Variants in RHBDD1 observed in about 807,000 individuals in gnomAD.
The protein encoded by RHBDD1 is rhomboid-related protein 4.
In RHBDD1, 38 loss-of-function variants were observed where a neutral mutation model predicts 36.3. The observed-to-expected ratio is 1.05, with a 90% CI of 0.81 to 1.37. The LOEUF is 1.37. RHBDD1 is among the 40% of genes most tolerant of loss of function. RHBDD1 has a pLI of 0.00. For synonymous variants in RHBDD1, 151 were observed against 136.5 expected, an observed-to-expected ratio of 1.11 and a Z score of -0.74; for missense variants, 393 against 377.6, an observed-to-expected ratio of 1.04 and a Z score of -0.34.
chr2:226,808,651 G>A, the RHBDD1 span: 6 of 152,246 alleles, frequency 3.9e-5, no homozygotes, highest in Admixed American at 3.9e-4. Context: ...AGTGTCTGAA[G>A]AGAGACCATC....
intron 3 of RHBDD1, among the ~76,000 whole-genome samples, chr2:226,861,119 ATCT>A (rs1943812951): frequency 1.3e-5 from 2 of 152,230 alleles, no homozygotes; most frequent in South Asian, 2.1e-4. Flanking sequence ...GGCAAACTAT[ATCT>A]TCTTCTAAGA....
intron 8 of RHBDD1, among the ~76,000 whole-genome samples, chr2:226,916,229 C>A (rs7560867): frequency 0.58 from 88,396 of 152,006 alleles, 26,423 homozygotes; most frequent in African/African-American, 0.73. Flanking sequence ...TTGGAGGAAC[C>A]GCAAAGTCAC....
rs56325989 is a variant in RHBDD1 at position 226,948,564 on chromosome 2, TAA to T, written c.856+34233_856+34234del. On this transcript the variant is annotated intron_variant, in intron 8 of 8. Coordinates refer to ENST00000392062, the MANE Select transcript of RHBDD1 (RefSeq NM_001167608.3). ...CACATGTACCCTAAAACTTAAAGTA[TAA>T]AAAAAAAAAAAAAAAAAAACGAAAA... Among the ~76,000 whole-genome samples, 228 of 23,476 alleles carry T rather than the reference TAA, an allele frequency of 9.7e-3. 1 individual carries two copies. In the South Asian group the frequency reaches 0.1, roughly 11 times the overall value. The allele number at this position is 23,476 out of a possible 152,430, so 15.4% of individuals were successfully genotyped here. A position where few individuals can be genotyped will look rare whatever the true frequency, so the allele number is the denominator to read the frequency against.
chr2:226,933,708 TA>T (rs200305913), intron 8 of RHBDD1, among the ~76,000 whole-genome samples: 2 of 151,876 alleles, frequency 1.3e-5, no homozygotes, highest in African/African-American at 2.4e-5. Context: ...GCTGCCCAAT[TA>T]AAAAAAACAA....
upstream of RHBDD1, chr2:226,835,761 C>T (rs1020942290): frequency 1.3e-5 from 2 of 152,254 alleles, no homozygotes; most frequent in Non-Finnish European, 2.9e-5. Context: ...CGGCCAGTGG[C>T]TATTTATGGC....
At chr2:226,942,579 G>A (rs1218295031) in intron 8 of RHBDD1, 2 of 362,090 alleles carry the variant, frequency 5.5e-6, no homozygotes, top group East Asian at 1.2e-4. Context: ...AAACTCAGAG[G>A]TATGTGTGGC....
At chr2:226,895,565 C>A in intron 5 of RHBDD1, 1 of 516,252 alleles carries the variant, frequency 1.9e-6, no homozygotes, top group Non-Finnish European at 2.5e-6. Flanking sequence ...AACCTCTGTG[C>A]CCAATTAAGG....
chr2:226,948,564 T>TAAAAAAAAA (rs56325989), intron 8 of RHBDD1, among the ~76,000 whole-genome samples: 5 of 23,498 alleles, frequency 2.1e-4, no homozygotes, highest in African/African-American at 3.7e-4. Context: ...ACTTAAAGTA[T>TAAAAAAAAA]AAAAAAAAAA....
chr2:226,841,765 A>G (rs1488575955), intron 3 of RHBDD1, among the ~76,000 whole-genome samples: 1 of 152,158 alleles, frequency 6.6e-6, no homozygotes, highest in Non-Finnish European at 1.5e-5. Flanking sequence ...ATATGCATGC[A>G]TGTATCTTTA....
chr2:226,881,518 A>G (rs1463392399), intron 5 of RHBDD1, among the ~76,000 whole-genome samples: 1 of 152,186 alleles, frequency 6.6e-6, no homozygotes, highest in Non-Finnish European at 1.5e-5. Flanking sequence ...CTACCTCATC[A>G]TTCAGATTAT....
chr2:226,893,497 CT>C (rs1436505803), intron 5 of RHBDD1, among the ~76,000 whole-genome samples: 1 of 152,118 alleles, frequency 6.6e-6, no homozygotes, highest in African/African-American at 2.4e-5. Flanking sequence ...GTGGTGGGAA[CT>C]TTTATTGCGT....
At chr2:226,984,077 C>A (rs1173521718) in intron 8 of RHBDD1, among the ~76,000 whole-genome samples, 7 of 152,186 alleles carry the variant, frequency 4.6e-5, no homozygotes, top group Admixed American at 4.6e-4. Flanking sequence ...CCACTTAGGA[C>A]AGAGTCCCAA....
intron 8 of RHBDD1, among the ~76,000 whole-genome samples, chr2:226,921,392 G>A (rs1411218221): frequency 6.6e-6 from 1 of 151,390 alleles, no homozygotes; most frequent in Admixed American, 6.6e-5. Flanking sequence ...CGTTTTGTTA[G>A]CTCTTGCTTT....
intron 8 of RHBDD1, among the ~76,000 whole-genome samples, chr2:226,923,237 TG>T (rs34921508): frequency 6.6e-6 from 1 of 152,216 alleles, no homozygotes; most frequent in Non-Finnish European, 1.5e-5. Context: ...CAGCTTTTCT[TG>T]GGAAATTTTT....
intron 8 of RHBDD1, among the ~76,000 whole-genome samples, chr2:226,933,166 G>A (rs754810858): frequency 2.6e-4 from 39 of 152,054 alleles, no homozygotes; most frequent in Non-Finnish European, 3.5e-4. Flanking sequence ...AATTACCACC[G>A]TGTGGGGATT....
At chr2:226,968,335 G>C (rs1371180675) in intron 8 of RHBDD1, among the ~76,000 whole-genome samples, 1 of 152,198 alleles carries the variant, frequency 6.6e-6, no homozygotes, top group African/African-American at 2.4e-5. Flanking sequence ...TCCAAAATCT[G>C]TAGGGCAGGC....
At chr2:226,846,423 T>G (rs1038516127) in intron 3 of RHBDD1, among the ~76,000 whole-genome samples, 1 of 152,132 alleles carries the variant, frequency 6.6e-6, no homozygotes, top group Non-Finnish European at 1.5e-5. Flanking sequence ...TAATGAAAAC[T>G]TCCAGCTTTT....
chr2:226,970,325 C>T (rs1953207329), intron 8 of RHBDD1, among the ~76,000 whole-genome samples: 1 of 151,928 alleles, frequency 6.6e-6, no homozygotes. Context: ...TTAGGACAAA[C>T]AGAAGACGGT....
rs146962527 is a variant in RHBDD1 at position 226,863,412 on chromosome 2, C to T, written c.-90-1192C>T. Among the ~76,000 whole-genome samples the T allele has an allele frequency of 3.3e-3, 501 of 152,314 alleles. 3 individuals carry two copies. The highest frequency in any genetic ancestry group is 0.011 in the African/African-American group (445 of 41,552). ...GGACAAACACCTAAACCACAGCACT[C>T]GCGAAAGGCAATACCTTCTGTATTA... On this transcript the variant is annotated intron_variant, in intron 3 of 8. Transcript: ENST00000392062.
Sources: gnomAD v4.1 joint callset for allele counts (sites outside exome capture counted in the v4.1 genomes callset) on GRCh38, gnomAD v4.1.1 for gene constraint, MANE v1.5 for transcripts, NCBI Gene and HGNC (gene_info 2026-07-23, HGNC 2026-07-21) for gene names.